NKAIN2: variants seen among roughly 807,000 people sequenced by gnomAD.
NKAIN2 encodes the protein sodium/potassium transporting ATPase interacting 2.
In NKAIN2, 14 loss-of-function variants were observed where a neutral mutation model predicts 32.6. That is an observed-to-expected ratio of 0.43 (90% confidence interval 0.28 to 0.67). The LOEUF (loss-of-function observed/expected upper bound fraction) is 0.67. Among genes scored for constraint, NKAIN2 ranks in the 30% least tolerant of loss-of-function variants. NKAIN2 has a pLI of 0.17. For synonymous variants in NKAIN2, 80 were observed against 87.2 expected (o/e 0.92, Z 0.46); for missense variants, 198 against 258.3 (o/e 0.77, Z 1.60).
At chr6:123,968,997 C>T (rs551155578) in intron 1 of NKAIN2, among the ~76,000 whole-genome samples, 2 of 152,178 alleles carry the variant, frequency 1.3e-5, no homozygotes, top group African/African-American at 2.4e-5. Context: ...TTTCCTCCTT[C>T]CCCCCAGCTC....
chr6:123,859,027 T>C lies in NKAIN2; in HGVS notation c.54+54773T>C, dbSNP rs111577807. 2.3e-4 allele frequency among the ~76,000 whole-genome samples: 35 copies of C among 152,306 alleles called. 1 individual carries two copies. Among genetic ancestry groups the C allele is most frequent in the African/African-American group, 8.4e-4 (35 of 41,562 alleles). ...TGCATATGTATAACTTAAACATATA[T>C]ATGTACATAAATTACTAGAATTTAT... On this transcript the variant is annotated intron_variant, in intron 1 of 6. Transcript: ENST00000368417.
At chr6:124,208,722 C>G (rs802233) in intron 1 of NKAIN2, among the ~76,000 whole-genome samples, 2 of 150,878 alleles carry the variant, frequency 1.3e-5, no homozygotes, top group Non-Finnish European at 3.0e-5. Flanking sequence ...TTATATTTGA[C>G]AGGAAATTCC....
chr6:123,914,001 A>G, intron 1 of NKAIN2, among the ~76,000 whole-genome samples: 1 of 152,130 alleles, frequency 6.6e-6, no homozygotes. Flanking sequence ...TTTCATCTTT[A>G]CAATAGCTCT....
intron 1 of NKAIN2, among the ~76,000 whole-genome samples, chr6:124,026,085 C>A (rs1285276835): frequency 2.0e-5 from 3 of 152,136 alleles, no homozygotes; most frequent in African/African-American, 7.2e-5. Context: ...AGATCCCACC[C>A]CTTATTGTCC....
At chr6:124,070,085 C>G (rs919774481) in intron 1 of NKAIN2, among the ~76,000 whole-genome samples, 1 of 152,154 alleles carries the variant, frequency 6.6e-6, no homozygotes, top group Non-Finnish European at 1.5e-5. Context: ...CTGTCAGCAC[C>G]TATCTTTCCT....
At chr6:124,333,662 A>AATAC (rs1437156678) in intron 2 of NKAIN2, among the ~76,000 whole-genome samples, 3 of 148,768 alleles carry the variant, frequency 2.0e-5, no homozygotes, top group Non-Finnish European at 4.4e-5. Flanking sequence ...TCAGTCTCTA[A>AATAC]ATAAATAAAT....
At chr6:124,313,535 C>A (rs1448308898) in intron 2 of NKAIN2, among the ~76,000 whole-genome samples, 1 of 152,130 alleles carries the variant, frequency 6.6e-6, no homozygotes, top group Non-Finnish European at 1.5e-5. Context: ...AGGGCATGAC[C>A]TGCTTTTCTA....
At chr6:123,822,990 G>A (rs1412672763) in intron 1 of NKAIN2, among the ~76,000 whole-genome samples, 3 of 134,956 alleles carry the variant, frequency 2.2e-5, no homozygotes, top group African/African-American at 1.0e-4. Context: ...GTACAGCCAG[G>A]ATAAATTCCT....
chr6:124,197,271 CT>C (rs914103026), intron 1 of NKAIN2, among the ~76,000 whole-genome samples: 4 of 151,296 alleles, frequency 2.6e-5, no homozygotes, highest in African/African-American at 4.8e-5. Flanking sequence ...AATCTTTCTT[CT>C]TTTTTTTTCT....
chr6:124,283,237 T>A, intron 2 of NKAIN2, 95 bp downstream of exon 2: 2 of 780,478 alleles, frequency 2.6e-6, no homozygotes, highest in Non-Finnish European at 4.3e-6. Context: ...TAATCTATCT[T>A]AAAGATGTGG....
At chr6:124,719,358 T>G (rs909311833) in intron 4 of NKAIN2, among the ~76,000 whole-genome samples, 35 of 152,240 alleles carry the variant, frequency 2.3e-4, no homozygotes, top group Non-Finnish European at 1.3e-4. Flanking sequence ...GGGGCAAATG[T>G]TTAGCAACAT....
intron 3 of NKAIN2, among the ~76,000 whole-genome samples, chr6:124,551,901 G>C (rs927346324): frequency 1.3e-5 from 2 of 152,180 alleles, no homozygotes; most frequent in Admixed American, 6.5e-5. Context: ...TCAGCTAAAT[G>C]ACTGTTTCTA....
chr6:124,800,031 C>A lies in NKAIN2; in HGVS notation c.535+8632C>A, dbSNP rs528209569. Among the ~76,000 whole-genome samples the A allele has an allele frequency of 2.0e-5, 3 of 152,288 alleles. No individual in the cohort carries two copies. In the South Asian group the frequency reaches 6.2e-4, roughly 32 times the overall value. On this transcript the variant is annotated intron_variant, in intron 5 of 6. Coordinates refer to ENST00000368417, the MANE Select transcript of NKAIN2 (RefSeq NM_001040214.3). Reference sequence around the variant, plus strand: ...CTCACAAAATAAAATCACTGGGATTCTTTAGTCCCATCTCCAAACAACAAA... The same window carrying A: ...CTCACAAAATAAAATCACTGGGATTATTTAGTCCCATCTCCAAACAACAAA...
intron 1 of NKAIN2, among the ~76,000 whole-genome samples, chr6:123,984,135 G>A (rs916705580): frequency 1.3e-5 from 2 of 152,120 alleles, no homozygotes; most frequent in Non-Finnish European, 2.9e-5. Flanking sequence ...TCAAACTCTT[G>A]ACCTCAGGTG....
intron 4 of NKAIN2, among the ~76,000 whole-genome samples, chr6:124,759,661 T>C (rs1410889713): frequency 6.3e-5 from 8 of 126,268 alleles, no homozygotes; most frequent in South Asian, 2.6e-4. Flanking sequence ...ACACACCCCC[T>C]ATCTCCCTTT....
chr6:124,553,775 A>G (rs1469285440), intron 3 of NKAIN2, among the ~76,000 whole-genome samples: 1 of 152,216 alleles, frequency 6.6e-6, no homozygotes, highest in Non-Finnish European at 1.5e-5. Context: ...CCAAAGCTTT[A>G]CCTGCATTTG....
intron 1 of NKAIN2, among the ~76,000 whole-genome samples, chr6:123,927,415 TAGCAA>T (rs1418312435): frequency 1.3e-5 from 2 of 152,334 alleles, no homozygotes; most frequent in East Asian, 3.9e-4. Flanking sequence ...TCTCCAAGAA[TAGCAA>T]ATATCTTTCT....
intron 1 of NKAIN2, among the ~76,000 whole-genome samples, chr6:124,113,441 A>G (rs1785474313): frequency 6.6e-6 from 1 of 152,128 alleles, no homozygotes; most frequent in Non-Finnish European, 1.5e-5. Flanking sequence ...AAGCTGAAAA[A>G]AAATTGGGAT....
chr6:124,593,436 A>G (rs748956225), intron 3 of NKAIN2, among the ~76,000 whole-genome samples: 35 of 152,232 alleles, frequency 2.3e-4, no homozygotes, highest in Non-Finnish European at 4.1e-4. Context: ...ATTAGTTTGA[A>G]AGGAGAAAGT....
Sources: allele counts gnomAD v4.1 joint callset (sites outside exome capture counted in the v4.1 genomes callset), GRCh38; gene constraint gnomAD v4.1.1; transcripts MANE v1.5; gene names NCBI Gene and HGNC (gene_info 2026-07-23, HGNC 2026-07-21).